Variants in MARCHF8 observed in about 807,000 individuals in gnomAD.
MARCHF8 encodes the protein E3 ubiquitin-protein ligase MARCHF8.
A neutral mutation model predicts 51.6 loss-of-function variants in MARCHF8; 40 were observed. That is an observed-to-expected ratio of 0.77 (90% CI 0.60 to 1.01). The LOEUF (loss-of-function observed/expected upper bound fraction) is 1.01. Ranked by LOEUF, MARCHF8 falls within the 50% of genes least tolerant of loss-of-function variation. The pLI, the probability that MARCHF8 is intolerant of heterozygous loss-of-function variation, is 0.00. For missense variants in MARCHF8, 685 were observed against 708.6 expected (o/e 0.97, Z 0.38); for synonymous variants, 263 against 280.3 (o/e 0.94, Z 0.62).
intron 2 of MARCHF8, among the ~76,000 whole-genome samples, chr10:45,513,499 G>A (rs1342191305): frequency 6.6e-6 from 1 of 152,130 alleles, no homozygotes; most frequent in Non-Finnish European, 1.5e-5. Context: ...TTGTCTCAGA[G>A]CTCAGGGCTT....
intron 2 of MARCHF8, among the ~76,000 whole-genome samples, chr10:45,504,481 A>C (rs2043343407): frequency 6.6e-6 from 1 of 152,158 alleles, no homozygotes; most frequent in Non-Finnish European, 1.5e-5. Context: ...CCTATGATGT[A>C]TAAAACACTG....
chr10:45,528,865 A>G (rs920426569), intron 2 of MARCHF8, among the ~76,000 whole-genome samples: 3 of 152,238 alleles, frequency 2.0e-5, no homozygotes, highest in Admixed American at 1.3e-4. Flanking sequence ...ATCATGGGTT[A>G]GAAGAATCAG....
At chr10:45,468,809 C>T (rs897285396) in intron 3 of MARCHF8, among the ~76,000 whole-genome samples, 5 of 152,114 alleles carry the variant, frequency 3.3e-5, no homozygotes, top group African/African-American at 1.2e-4. Flanking sequence ...CATTATCAGC[C>T]AAGAAAATTA....
chr10:45,523,489 A>G (rs766511563), intron 2 of MARCHF8, among the ~76,000 whole-genome samples: 2 of 152,220 alleles, frequency 1.3e-5, no homozygotes, highest in African/African-American at 2.4e-5. Flanking sequence ...ATGCCACTGC[A>G]CTCCAGCCTG....
chr10:45,536,880 T>TAATAAA (rs947568782), upstream of MARCHF8, among the ~76,000 whole-genome samples: 23 of 145,346 alleles, frequency 1.6e-4, no homozygotes, highest in South Asian at 6.4e-4. Flanking sequence ...ATAATAATAA[T>TAATAAA]AAAGACAAAT....
chr10:45,482,250 T>G (rs1403108709), intron 3 of MARCHF8, among the ~76,000 whole-genome samples: 6 of 152,124 alleles, frequency 3.9e-5, no homozygotes, highest in African/African-American at 1.4e-4. Flanking sequence ...CAAAGCAATC[T>G]ACAGATTCAA....
chr10:45,530,304 G>A (rs2043856479), intron 2 of MARCHF8, among the ~76,000 whole-genome samples: 1 of 152,138 alleles, frequency 6.6e-6, no homozygotes, highest in Non-Finnish European at 1.5e-5. Flanking sequence ...GTGGGTGAGG[G>A]ATGAGAAATT....
At chr10:45,580,928 C>T (rs2044548707) in intron 1 of MARCHF8, among the ~76,000 whole-genome samples, 1 of 152,140 alleles carries the variant, frequency 6.6e-6, no homozygotes, top group Non-Finnish European at 1.5e-5. Flanking sequence ...ACACCTGACT[C>T]CAGCTCTGCC....
At chr10:45,519,309 A>G (rs2133229728) in intron 2 of MARCHF8, among the ~76,000 whole-genome samples, 1 of 152,316 alleles carries the variant, frequency 6.6e-6, no homozygotes, top group African/African-American at 2.4e-5. Flanking sequence ...AACTAAATAA[A>G]CGCCATATCA....
At chr10:45,553,119 C>T (rs893726847) in intron 1 of MARCHF8, 4 of 152,060 alleles carry the variant, frequency 2.6e-5, no homozygotes, top group Non-Finnish European at 5.9e-5. Context: ...TACCTGTAAT[C>T]CCAGTACTTT....
rs58437785 is a variant in MARCHF8, at chr10:45,533,250, G to T, written c.-39C>A. The T allele has an allele frequency of 4.5e-3, 7,026 of 1,576,936 alleles. 264 individuals carry two copies. In the African/African-American group the frequency reaches 0.083, roughly 19 times the overall value. On this transcript the variant is annotated 5_prime_UTR_variant, in exon 2 of 8. Coordinates refer to ENST00000453424, the MANE Select transcript of MARCHF8 (RefSeq NM_001282866.2). ...CTGGTCGTCTTCTTCACAGAAGAGA[G>T]TCTCCACTGGTAGAGTCATTTTGGG...
At chr10:45,593,054 A>G (rs1859090237) in intron 1 of MARCHF8, among the ~76,000 whole-genome samples, 2 of 152,172 alleles carry the variant, frequency 1.3e-5, no homozygotes, top group Non-Finnish European at 2.9e-5. Flanking sequence ...ACTGAGAACC[A>G]AAGAAAGGAA....
chr10:45,461,744 G>C (rs1013045572), intron 5 of MARCHF8: 2 of 182,314 alleles, frequency 1.1e-5, no homozygotes, highest in African/African-American at 4.7e-5. Context: ...CAGAACATAA[G>C]ATGGTAAAAT....
intron 3 of MARCHF8, among the ~76,000 whole-genome samples, chr10:45,474,063 G>A (rs111652349): frequency 2.6e-5 from 4 of 152,178 alleles, no homozygotes; most frequent in East Asian, 1.9e-4. Context: ...CTCTCCATCC[G>A]TGGTATCGTA....
At position 45,459,208 on chromosome 10, in the gene MARCHF8, G is replaced by C. The variant is rs752606806; in HGVS notation, c.1329C>G (p.Phe443Leu). 6.2e-7 allele frequency: 1 copy of C among 1,614,076 alleles called. No homozygotes were observed. The highest frequency in any genetic ancestry group is 8.5e-7 in the Non-Finnish European group (1 of 1,180,008). ...ERRKIMCSVT[F>L]HVIAITCVVW... is the part of the protein sequence containing the mutation. ...CCACACATGTGATGGCAATGACGTG[G>C]AATGTCACTGAGCACATGATCTTCC... The change falls in exon 7 of 8, where the codon TTC becomes TTG. Residue 443 changes from phenylalanine (F) to leucine (L), a missense_variant. Physicochemically the swap from Phe to Leu is conservative, Grantham distance 22. Coordinates refer to ENST00000453424, the MANE Select transcript of MARCHF8 (RefSeq NM_001282866.2).
intron 1 of MARCHF8, among the ~76,000 whole-genome samples, chr10:45,587,297 G>A (rs1279406229): frequency 7.1e-6 from 1 of 141,682 alleles, no homozygotes; most frequent in Non-Finnish European, 1.5e-5. Context: ...CATTAGCAAG[G>A]AATACTTGAG....
chr10:45,575,645 C>A (rs536115888), intron 1 of MARCHF8, among the ~76,000 whole-genome samples: 1 of 152,230 alleles, frequency 6.6e-6, no homozygotes, highest in Admixed American at 6.5e-5. Flanking sequence ...TTTTCGCTAC[C>A]CCAACACTTT....
At chr10:45,529,569 G>A (rs1372307637) in intron 2 of MARCHF8, among the ~76,000 whole-genome samples, 1 of 152,094 alleles carries the variant, frequency 6.6e-6, no homozygotes, top group Non-Finnish European at 1.5e-5. Context: ...TGCAGACTAT[G>A]CATCTTACAA....
intron 6 of MARCHF8, among the ~76,000 whole-genome samples, chr10:45,460,130 T>C (rs778629664): frequency 6.6e-6 from 1 of 152,200 alleles, no homozygotes; most frequent in Non-Finnish European, 1.5e-5. Flanking sequence ...CTAAATCTGG[T>C]TGTTTTCTGC....
Sources: allele counts gnomAD v4.1 joint callset (sites outside exome capture counted in the v4.1 genomes callset), GRCh38; gene constraint gnomAD v4.1.1; transcripts MANE v1.5; gene names NCBI Gene and HGNC (gene_info 2026-07-23, HGNC 2026-07-21).